The following ABCA6 variants were observed in gnomAD, a reference collection of about 807,000 sequenced individuals.
The protein encoded by ABCA6 is ATP-binding cassette sub-family A member 6.
ABCA6 carries 164 observed loss-of-function variants against 191.2 expected under a neutral mutation model. The ratio of observed to expected loss-of-function variants is 0.86; its 90% CI spans 0.76 to 0.98. The LOEUF is 0.98. ABCA6 is among the 50% of genes least tolerant of loss of function. The pLI is 0.00. For synonymous variants in ABCA6, 636 were observed against 647.7 expected (o/e 0.98, Z 0.27); for missense variants, 1,958 against 1,894.1 (o/e 1.03, Z -0.63).
In ABCA6 at chr17:69,083,192, G is replaced by A. The variant is rs1468099346; in HGVS notation, c.4475+20C>T. Reference sequence around the variant, plus strand: ...AATCTCATTTTGAGCATCAAATGCAGGCTTCGGAGAGACACCCACCTAAGC... The same window carrying A: ...AATCTCATTTTGAGCATCAAATGCAAGCTTCGGAGAGACACCCACCTAAGC... On this transcript the variant is annotated intron_variant, in intron 35 of 38. Transcript: ENST00000284425. The A allele has an allele frequency of 6.3e-7, 1 of 1,578,168 alleles. No individual in the cohort carries two copies. The highest frequency in any genetic ancestry group is 8.6e-7 in the Non-Finnish European group (1 of 1,167,682).
At chr17:69,112,135 T>C (rs1598472655) in intron 16 of ABCA6, 48 bp downstream of exon 16, 1 of 1,334,084 alleles carries the variant, frequency 7.5e-7, no homozygotes, top group African/African-American at 1.5e-5. Context: ...CTTTTTCATA[T>C]ACCAGTATTG....
At chr17:69,089,003 G>T (rs1429997110) in intron 27 of ABCA6, among the ~76,000 whole-genome samples, 2 of 152,134 alleles carry the variant, frequency 1.3e-5, no homozygotes, top group Admixed American at 6.5e-5. Flanking sequence ...CAGAATATAA[G>T]CTCCATGAGG....
intron 17 of ABCA6, chr17:69,109,558 A>G (rs961591032): frequency 2.0e-5 from 3 of 152,182 alleles, no homozygotes; most frequent in Non-Finnish European, 4.4e-5. Context: ...CATTTTCCAC[A>G]GTTTCAATTA....
intron 2 of ABCA6, 61 bp downstream of exon 2, chr17:69,140,547 A>G: frequency 1.1e-6 from 1 of 926,184 alleles, no homozygotes; most frequent in Non-Finnish European, 1.6e-6. Context: ...TAAGAGAATC[A>G]GTAGGTAATG....
At chr17:69,118,275 A>C (rs1410882460) in intron 10 of ABCA6, among the ~76,000 whole-genome samples, 1 of 151,958 alleles carries the variant, frequency 6.6e-6, no homozygotes, top group Non-Finnish European at 1.5e-5. Context: ...AGATCAGCTC[A>C]TTTACCTAGG....
rs1192467809 is a variant in ABCA6, at chr17:69,078,870, CT to C, written c.*102del. 3.1e-6 allele frequency: 2 copies of C among 647,780 alleles called. No individual in the cohort carries two copies. Among genetic ancestry groups the C allele is most frequent in the African/African-American group, 3.8e-5 (2 of 52,682 alleles). The allele number at this position is 647,780 out of a possible 1,614,324, so 40.1% of individuals were successfully genotyped here. A position where few individuals can be genotyped will look rare whatever the true frequency, so the allele number is the denominator to read the frequency against. ...TGTTAACTAAATTTACAAAATATAC[CT>C]GATGTTAATTTTAAATGATCTTTAA... On this transcript the variant is annotated 3_prime_UTR_variant, in exon 39 of 39. Transcript: ENST00000284425.
chr17:69,079,567 T>C (rs1199341066), intron 37 of ABCA6, among the ~76,000 whole-genome samples: 1 of 152,204 alleles, frequency 6.6e-6, no homozygotes, highest in East Asian at 1.9e-4. Flanking sequence ...CAAAATATTC[T>C]TACACATGAG....
intron 17 of ABCA6, chr17:69,108,918 T>TGGTA (rs1179446062): frequency 6.6e-6 from 1 of 152,222 alleles, no homozygotes; most frequent in Non-Finnish European, 1.5e-5. Flanking sequence ...CATATTCCAG[T>TGGTA]GGTAGTACCA....
At chr17:69,133,507 TA>T in intron 6 of ABCA6, 133 bp downstream of exon 6, 1 of 689,174 alleles carries the variant, frequency 1.5e-6, no homozygotes, top group Non-Finnish European at 2.4e-6. Flanking sequence ...ACAGACTAAG[TA>T]AAAAACTCAG....
At chr17:69,127,411 C>A (rs185849041) in intron 8 of ABCA6, among the ~76,000 whole-genome samples, 1 of 152,050 alleles carries the variant, frequency 6.6e-6, no homozygotes, top group East Asian at 1.9e-4. Context: ...AAGGAATTAT[C>A]ATAAAGCAAT....
At position 69,121,404 on chromosome 17, in the gene ABCA6, G is replaced by T. The variant is rs545121516; in HGVS notation, c.1436+1835C>A. Among the ~76,000 whole-genome samples the T allele has an allele frequency of 2.1e-3, 326 of 152,152 alleles. 1 individual carries two copies. Among genetic ancestry groups the T allele is most frequent in the African/African-American group, 7.6e-3 (317 of 41,540 alleles). ...CCGCCTAAGCCTACTTTCTTGCTTTGGTGTGGATCTGGGGTGAGGTGCCCC... is the reference window on the plus strand; with the variant it reads ...CCGCCTAAGCCTACTTTCTTGCTTTTGTGTGGATCTGGGGTGAGGTGCCCC... On this transcript the variant is annotated intron_variant, in intron 10 of 38. Transcript: ENST00000284425.
At chr17:69,092,110 T>A (rs1311238717) in intron 25 of ABCA6, among the ~76,000 whole-genome samples, 4 of 152,130 alleles carry the variant, frequency 2.6e-5, no homozygotes, top group Non-Finnish European at 5.9e-5. Context: ...ATTTTACAAT[T>A]TTTTTTACTG....
chr17:69,087,598 A>G lies in ABCA6; in HGVS notation c.3699-125T>C, dbSNP rs1172555347. ...ATGTGCAGGTGATGATGTGATGATG[A>G]CTGTCAATATTGCTTCTGCTTTTGC... On this transcript the variant is annotated intron_variant, in intron 28 of 38. Transcript: ENST00000284425. The G allele has an allele frequency of 2.3e-6, 3 of 1,288,390 alleles. No homozygotes were observed. In the Admixed American group the frequency reaches 6.4e-5, roughly 27 times the overall value. The allele number at this position is 1,288,390 out of a possible 1,614,324, so 79.8% of individuals were successfully genotyped here. A position where few individuals can be genotyped will look rare whatever the true frequency, so the allele number is the denominator to read the frequency against.
chr17:69,117,689 C>T (rs914591133), intron 11 of ABCA6, among the ~76,000 whole-genome samples: 48 of 151,926 alleles, frequency 3.2e-4, no homozygotes, highest in African/African-American at 1.1e-3. Flanking sequence ...TTGTATGATA[C>T]CACTGTTATA....
intron 27 of ABCA6, among the ~76,000 whole-genome samples, chr17:69,088,953 C>T (rs2072866832): frequency 6.6e-6 from 1 of 152,204 alleles, no homozygotes; most frequent in Admixed American, 6.5e-5. Flanking sequence ...TCTGACACCA[C>T]ACATATTATC....
intron 10 of ABCA6, among the ~76,000 whole-genome samples, chr17:69,121,020 A>T (rs1395348817): frequency 6.6e-6 from 1 of 152,040 alleles, no homozygotes; most frequent in African/African-American, 2.4e-5. Flanking sequence ...ATCTTAGGGG[A>T]AGAGTTCCTT....
chr17:69,085,584 T>C (rs2072763564), intron 31 of ABCA6, 41 bp downstream of exon 31: 1 of 1,380,542 alleles, frequency 7.2e-7, no homozygotes, highest in Admixed American at 1.9e-5. Flanking sequence ...ATACGTATCA[T>C]GAAATTCCTG....
chr17:69,119,241 T>C (rs1268584426), intron 10 of ABCA6, among the ~76,000 whole-genome samples: 3 of 152,082 alleles, frequency 2.0e-5, no homozygotes, highest in Non-Finnish European at 2.9e-5. Context: ...CAGACTTCAC[T>C]GCATTGTCAC....
chr17:69,117,873 G>T, intron 11 of ABCA6, 25 bp downstream of exon 11: 1 of 1,502,516 alleles, frequency 6.7e-7, no homozygotes, highest in South Asian at 1.2e-5. Context: ...GTGAAAGAAT[G>T]AAATTTTTCA....
Sources: gnomAD v4.1 joint callset for allele counts (sites outside exome capture counted in the v4.1 genomes callset) on GRCh38, gnomAD v4.1.1 for gene constraint, MANE v1.5 for transcripts, NCBI Gene and HGNC (gene_info 2026-07-23, HGNC 2026-07-21) for gene names.